The following SOD2 variants were observed in gnomAD, a reference collection of about 807,000 sequenced individuals.
SOD2 encodes the protein superoxide dismutase 2.
A neutral mutation model predicts 27.0 loss-of-function variants in SOD2; 11 were observed. That is an observed-to-expected ratio of 0.41 (90% CI 0.26 to 0.67). SOD2 has a LOEUF of 0.67. Among genes scored for constraint, SOD2 ranks in the 30% least tolerant of loss-of-function variants. The probability of loss-of-function intolerance (pLI) is 0.34; values close to 1 mark genes in which losing one functional copy is unlikely to be tolerated. For missense variants in SOD2, 250 were observed against 274.5 expected (o/e 0.91, Z 0.63); for synonymous variants, 105 against 103.0 (o/e 1.02, Z -0.12).
At chr6:159,755,424 G>T (rs1421775346) in intron 1 of SOD2, 1 of 1,613,972 alleles carries the variant, frequency 6.2e-7, no homozygotes, top group Admixed American at 1.7e-5. Context: ...CTCAGTGCGG[G>T]GTATGAAAGT....
upstream of SOD2, among the ~76,000 whole-genome samples, chr6:159,694,095 T>C (rs5746085): frequency 5.8e-3 from 886 of 152,352 alleles, 8 homozygotes; most frequent in South Asian, 0.031. Flanking sequence ...CCTTCCTCAC[T>C]ACTAAGCCCT....
intron 1 of SOD2, among the ~76,000 whole-genome samples, chr6:159,720,196 A>G (rs566618213): frequency 4.4e-4 from 67 of 151,270 alleles, no homozygotes; most frequent in Middle Eastern, 3.4e-3. Flanking sequence ...ACGCCCGGCT[A>G]ATTTTTTTGT....
intron 1 of SOD2, among the ~76,000 whole-genome samples, chr6:159,716,846 C>A (rs1304519273): frequency 1.3e-5 from 2 of 152,158 alleles, no homozygotes; most frequent in African/African-American, 2.4e-5. Flanking sequence ...CACTGGCTTA[C>A]ACCAGCCATA....
upstream of SOD2, among the ~76,000 whole-genome samples, chr6:159,747,960 A>G (rs1346019091): frequency 6.6e-6 from 1 of 152,204 alleles, no homozygotes; most frequent in African/African-American, 2.4e-5. Flanking sequence ...TGATGTTTCA[A>G]TACATATAAT....
chr6:159,730,030 A>G (rs1016121020), upstream of SOD2, among the ~76,000 whole-genome samples: 1 of 152,204 alleles, frequency 6.6e-6, no homozygotes, highest in African/African-American at 2.4e-5. Flanking sequence ...ATTATCTCTG[A>G]ATTATCTACA....
chr6:159,753,707 C>T, intron 1 of SOD2: 1 of 1,421,264 alleles, frequency 7.0e-7, no homozygotes, highest in Admixed American at 2.4e-5. Flanking sequence ...AGATTCTGTA[C>T]ATTGTTAACC....
intron 4 of SOD2, among the ~76,000 whole-genome samples, chr6:159,683,159 A>C (rs1226508572): frequency 6.6e-6 from 1 of 152,160 alleles, no homozygotes; most frequent in East Asian, 1.9e-4. Context: ...GTAAATGAAG[A>C]ATTTAGTTCT....
rs1200253140 is a variant in SOD2, at chr6:159,678,454, G to C, written c.*4039C>G. ...AGGCATGAGAATCGCTTGAACTCAG[G>C]AGGTGGAGGTTGCAGTGAGTTGAGA... On this transcript the variant is annotated 3_prime_UTR_variant, in exon 5 of 5. Coordinates refer to ENST00000538183, the MANE Select transcript of SOD2 (RefSeq NM_000636.4). The C allele has an allele frequency of 2.6e-5, 4 of 152,226 alleles. No homozygotes were observed. Among genetic ancestry groups the C allele is most frequent in the Admixed American group, 6.5e-5 (1 of 15,278 alleles). The allele number at this position is 152,226 out of a possible 1,614,324, so 9.4% of individuals were successfully genotyped here. A position where few individuals can be genotyped will look rare whatever the true frequency, so the allele number is the denominator to read the frequency against.
chr6:159,720,967 T>A (rs2114838191), intron 1 of SOD2, among the ~76,000 whole-genome samples: 1 of 147,444 alleles, frequency 6.8e-6, no homozygotes, highest in South Asian at 2.2e-4. Flanking sequence ...GTGATTCTCC[T>A]GCCTCAGCCT....
At chr6:159,729,761 A>T (rs1170316075), upstream of SOD2, among the ~76,000 whole-genome samples, 2 of 152,210 alleles carry the variant, frequency 1.3e-5, no homozygotes, top group East Asian at 3.8e-4. Context: ...TTGCTACTAC[A>T]GTGTCTGCAG....
intron 1 of SOD2, among the ~76,000 whole-genome samples, chr6:159,742,338 CAG>C (rs898462777): frequency 5.9e-5 from 9 of 152,118 alleles, no homozygotes; most frequent in South Asian, 2.1e-4. Flanking sequence ...TTGGAGAAGA[CAG>C]AGGTGTAATA....
At chr6:159,719,726 A>C (rs111257932) in intron 1 of SOD2, among the ~76,000 whole-genome samples, 2,127 of 89,738 alleles carry the variant, frequency 0.024, 34 homozygotes, top group African/African-American at 0.063. Context: ...TTTTTCTTTT[A>C]TTTTCTTTTT....
At position 159,724,912 on chromosome 6, in the gene SOD2, G is replaced by GAGGGAGGGAAGA. The variant is rs368218254; in HGVS notation, c.-116+2205_-116+2216dup. ...GAAGGAAGGGAGGGGGGAAGAGAGG[G>GAGGGAGGGAAGA]AGGGAGGGAAGAAGGGAGGGAAGAA... On this transcript the variant is annotated intron_variant, in intron 1 of 2. Transcript: ENST00000401980. Among the ~76,000 whole-genome samples the GAGGGAGGGAAGA allele has an allele frequency of 3.8e-4, 54 of 143,646 alleles. 2 individuals are homozygous for GAGGGAGGGAAGA. Among genetic ancestry groups the GAGGGAGGGAAGA allele is most frequent in the African/African-American group, 1.4e-3 (53 of 39,068 alleles). 94.2% of individuals were successfully genotyped at this position (143,646 alleles called of 152,430 possible). A position where few individuals can be genotyped will look rare whatever the true frequency, so the allele number is the denominator to read the frequency against.
chr6:159,743,415 T>C (rs1008013985), intron 1 of SOD2, among the ~76,000 whole-genome samples: 2 of 152,228 alleles, frequency 1.3e-5, no homozygotes, highest in African/African-American at 4.8e-5. Context: ...AACACAGATG[T>C]TTTCTGTCTT....
chr6:159,745,214 C>A (rs762940712), upstream of SOD2: 2 of 152,140 alleles, frequency 1.3e-5, no homozygotes, highest in African/African-American at 4.8e-5. Flanking sequence ...GTCTTGAATT[C>A]CATTTCTCTT....
chr6:159,741,941 G>A, intron 1 of SOD2: 2 of 613,674 alleles, frequency 3.3e-6, no homozygotes, highest in Admixed American at 6.5e-5. Context: ...GACAGAGCGA[G>A]ACTCTGTCTA....
intron 1 of SOD2, chr6:159,713,300 T>G (rs1777865279): frequency 3.0e-6 from 2 of 664,362 alleles, no homozygotes; most frequent in Non-Finnish European, 5.4e-6. Flanking sequence ...ATAGGGACCC[T>G]GCCTCATCTT....
upstream of SOD2, among the ~76,000 whole-genome samples, chr6:159,728,380 A>G (rs1181209445): frequency 6.6e-6 from 1 of 152,202 alleles, no homozygotes; most frequent in African/African-American, 2.4e-5. Flanking sequence ...TTAGCTTAAC[A>G]TTATCAAGGA....
intron 1 of SOD2, among the ~76,000 whole-genome samples, chr6:159,744,538 C>CT (rs889201719): frequency 6.6e-6 from 1 of 152,044 alleles, no homozygotes; most frequent in African/African-American, 2.4e-5. Flanking sequence ...TGTTCTGTTT[C>CT]TTTTGCCAAT....
Sources: gnomAD v4.1 joint callset for allele counts (sites outside exome capture counted in the v4.1 genomes callset) on GRCh38, gnomAD v4.1.1 for gene constraint, MANE v1.5 for transcripts, NCBI Gene and HGNC (gene_info 2026-07-23, HGNC 2026-07-21) for gene names.